TNRC6C: variants seen among roughly 807,000 people sequenced by gnomAD.
TNRC6C encodes trinucleotide repeat containing adaptor 6C.
In TNRC6C, 20 loss-of-function variants were observed where a neutral mutation model predicts 153.7. That is an observed-to-expected ratio of 0.13 (90% CI 0.09 to 0.19). The LOEUF is 0.19. Among genes scored for constraint, TNRC6C ranks in the 10% least tolerant of loss-of-function variants. TNRC6C has a pLI of 1.00. For missense variants in TNRC6C, 1,987 were observed against 2,172.0 expected (o/e 0.91, Z 1.69); for synonymous variants, 811 against 841.4 (o/e 0.96, Z 0.63).
chr17:78,070,614 A>G (rs527241519), intron 5 of TNRC6C, among the ~76,000 whole-genome samples: 1 of 152,270 alleles, frequency 6.6e-6, no homozygotes, highest in East Asian at 1.9e-4. Flanking sequence ...CAAATAGTTA[A>G]TAAAATTAAC....
At chr17:78,051,085 A>G in exon 3 of TNRC6C, 1 of 1,601,496 alleles carries the variant, frequency 6.2e-7, no homozygotes, top group Non-Finnish European at 8.5e-7. Context: ...CCAAGACAAC[A>G]ATGTGAGTAA....
chr17:77,990,519 T>G lies in TNRC6C; in HGVS notation c.-37-13651T>G, dbSNP rs187546781. Among the ~76,000 whole-genome samples, 411 of 152,340 alleles carry G rather than the reference T, an allele frequency of 2.7e-3. 2 individuals are homozygous for G. The highest frequency in any genetic ancestry group is 3.9e-3 in the Non-Finnish European group (266 of 68,030). On this transcript the variant is annotated intron_variant, in intron 1 of 22. Coordinates refer to the TNRC6C transcript ENST00000636222. ...GTGCCTTCCCACTGTAGAACTTTCA[T>G]GCGTGTTGTCCCCTGTTGTGCCACC...
At position 78,098,745 on chromosome 17, in the gene TNRC6C, G is replaced by A. The variant is rs1012592457; in HGVS notation, c.4501+208G>A. On this transcript the variant is annotated intron_variant, in intron 17 of 19. Transcript: ENST00000301624. ...TTTTTAGCATCAGCCTAGGTGTGCC[G>A]GCACGCAGCAGGTTTGCTCTGGGCC... 6.6e-5 allele frequency among the ~76,000 whole-genome samples: 10 copies of A among 152,136 alleles called. No homozygotes were observed. The South Asian group carries it at 8.3e-4, about 13-fold the overall frequency.
intron 2 of TNRC6C, among the ~76,000 whole-genome samples, chr17:78,033,645 G>T (rs1007303747): frequency 2.0e-5 from 3 of 151,796 alleles, no homozygotes; most frequent in Non-Finnish European, 2.9e-5. Flanking sequence ...CTCCAGCCTG[G>T]GTGACAAGAG....
chr17:78,023,185 G>A lies in TNRC6C; in HGVS notation c.-545-8331G>A, dbSNP rs547116062. On this transcript the variant is annotated intron_variant, in intron 1 of 19. Coordinates refer to ENST00000301624, the Ensembl canonical transcript of TNRC6C. The stretch of plus-strand genomic sequence containing the variant: ...GCGGGAGGATATGCGTAGGTTATAC[G>A]CAAATAATAACCTGTTTTATAACAG... Among the ~76,000 whole-genome samples, 318 of 152,254 alleles carry A rather than the reference G, an allele frequency of 2.1e-3. 4 individuals are homozygous for A. The highest frequency in any genetic ancestry group is 6.9e-3 in the African/African-American group (288 of 41,544).
intron 1 of TNRC6C, among the ~76,000 whole-genome samples, chr17:77,974,867 A>G (rs979604925): frequency 2.6e-5 from 4 of 152,256 alleles, no homozygotes; most frequent in African/African-American, 9.6e-5. Context: ...CTTGCCCAAG[A>G]TCAGGTAGTC....
At chr17:78,050,478 T>C (rs767857762) in exon 3 of TNRC6C, 2 of 1,613,716 alleles carry the variant, frequency 1.2e-6, no homozygotes, top group South Asian at 2.2e-5. Context: ...AAAGGAAAAA[T>C]GACAATGGGA....
intron 16 of TNRC6C, among the ~76,000 whole-genome samples, chr17:78,094,778 G>A (rs1280896415): frequency 6.6e-6 from 1 of 152,216 alleles, no homozygotes; most frequent in East Asian, 1.9e-4. Flanking sequence ...TTCTAAATGT[G>A]CCTGTGGTTT....
chr17:78,024,986 G>T (rs921287505), intron 1 of TNRC6C, among the ~76,000 whole-genome samples: 4 of 151,312 alleles, frequency 2.6e-5, no homozygotes, highest in Non-Finnish European at 5.9e-5. Context: ...TAGAGACGGG[G>T]TTTCACCATG....
chr17:78,030,174 G>A (rs948069432), intron 1 of TNRC6C, among the ~76,000 whole-genome samples: 7 of 151,898 alleles, frequency 4.6e-5, no homozygotes, highest in African/African-American at 1.5e-4. Context: ...TTTGGAGACG[G>A]AGTCTCGCTC....
intron 1 of TNRC6C, among the ~76,000 whole-genome samples, chr17:77,980,811 A>C (rs1182231986): frequency 1.3e-5 from 2 of 152,164 alleles, no homozygotes; most frequent in African/African-American, 4.8e-5. Flanking sequence ...GTTATTACAA[A>C]GGATATTATG....
chr17:78,018,147 A>G (rs2071764363), intron 1 of TNRC6C, among the ~76,000 whole-genome samples: 1 of 151,906 alleles, frequency 6.6e-6, no homozygotes, highest in East Asian at 1.9e-4. Context: ...GGTTTTTTTG[A>G]GATGGAGTCT....
chr17:77,976,914 A>G (rs1378264007), intron 1 of TNRC6C, among the ~76,000 whole-genome samples: 1 of 130,604 alleles, frequency 7.7e-6, no homozygotes, highest in Non-Finnish European at 1.6e-5. Context: ...AGGCGACAAG[A>G]GCAAGACTCC....
intron 10 of TNRC6C, among the ~76,000 whole-genome samples, chr17:78,082,407 A>C (rs1030290329): frequency 2.0e-5 from 3 of 152,040 alleles, no homozygotes; most frequent in African/African-American, 7.3e-5. Context: ...TAGTGTGTGC[A>C]TCAGCAGTTT....
rs746011968 is a variant in TNRC6C, at chr17:78,097,874, C to A, written c.4307-469C>A. 24 of 1,507,658 alleles carry A rather than the reference C, an allele frequency of 1.6e-5. No homozygotes were observed. The highest frequency in any genetic ancestry group is 2.0e-5 in the Non-Finnish European group (23 of 1,122,484). 93.4% of individuals were successfully genotyped at this position (1,507,658 alleles called of 1,614,324 possible). On this transcript the variant is annotated intron_variant, in intron 16 of 19. Transcript: ENST00000301624. ...CCTAGTGTTGCAGGTACGCGCCTGG[C>A]CTCTAGACTTGCAGGTAGCATTTTC...
chr17:78,017,667 AC>A (rs2071754004), intron 1 of TNRC6C, among the ~76,000 whole-genome samples: 1 of 152,222 alleles, frequency 6.6e-6, no homozygotes, highest in Admixed American at 6.5e-5. Context: ...CCATGGAACC[AC>A]CCAGTGCTCT....
In TNRC6C at chr17:78,098,327, C is replaced by G; in HGVS notation, c.4307-16C>G. On this transcript the variant is annotated splice_polypyrimidine_tract_variant and intron_variant, in intron 16 of 19. Transcript: ENST00000301624. Reference sequence around the variant, plus strand: ...TGTCTCAAGACTGCATATGCTCCATCTCTCTGCCTTTCTAGGTAAACTGTC... The same window carrying G: ...TGTCTCAAGACTGCATATGCTCCATGTCTCTGCCTTTCTAGGTAAACTGTC... The G allele has an allele frequency of 1.3e-6, 2 of 1,598,076 alleles. No homozygotes were observed. Among genetic ancestry groups the G allele is most frequent in the African/African-American group, 1.3e-5 (1 of 74,706 alleles).
At chr17:77,976,485 A>G (rs958335920) in intron 1 of TNRC6C, among the ~76,000 whole-genome samples, 7 of 152,230 alleles carry the variant, frequency 4.6e-5, no homozygotes, top group African/African-American at 1.7e-4. Context: ...AGCCCCAGTT[A>G]GGGTTCCAGA....
chr17:77,966,696 C>A (rs1179670501), intron 1 of TNRC6C, among the ~76,000 whole-genome samples: 2 of 152,140 alleles, frequency 1.3e-5, no homozygotes, highest in Admixed American at 1.3e-4. Flanking sequence ...TGACTCACAG[C>A]ATAAATCCAA....
Sources: gnomAD v4.1 joint callset for allele counts (sites outside exome capture counted in the v4.1 genomes callset) on GRCh38, gnomAD v4.1.1 for gene constraint, MANE v1.5 for transcripts, NCBI Gene and HGNC (gene_info 2026-07-23, HGNC 2026-07-21) for gene names.